LHFPL3: variants seen among roughly 807,000 people sequenced by gnomAD.
LHFPL3 encodes LHFPL tetraspan subfamily member 3, also known as LHFPL tetraspan subfamily member 3 protein.
Under a neutral mutation model 19.3 loss-of-function variants are expected in LHFPL3, and 5 were observed. That is an observed-to-expected ratio of 0.26 (90% confidence interval 0.14 to 0.54). The LOEUF (loss-of-function observed/expected upper bound fraction) is 0.54, where lower values mean the gene tolerates loss of function less well. Ranked by LOEUF, LHFPL3 falls within the 20% of genes least tolerant of loss-of-function variation. LHFPL3 has a pLI of 0.94. For missense variants in LHFPL3, 249 were observed against 307.4 expected (o/e 0.81, Z 1.42); for synonymous variants, 133 against 126.2 (o/e 1.05, Z -0.36).
In LHFPL3 at chr7:104,611,406, G is replaced by T. The variant is rs1234221334; in HGVS notation, c.446-125269G>T. Among the ~76,000 whole-genome samples the T allele has an allele frequency of 2.6e-5, 4 of 152,180 alleles. No individual in the cohort carries two copies. The South Asian group carries it at 8.3e-4, about 32-fold the overall frequency. On this transcript the variant is annotated intron_variant, in intron 1 of 2. Coordinates refer to ENST00000424859, the MANE Select transcript of LHFPL3 (RefSeq NM_199000.3). ...CAATGCCAAGCAATACAGGCCACGT[G>T]GGGAGGGATCCAGGCAGGAAATACA... is the stretch of plus-strand genomic sequence containing the variant.
intron 1 of LHFPL3, among the ~76,000 whole-genome samples, chr7:104,712,116 A>T (rs1037789648): frequency 3.3e-5 from 5 of 152,220 alleles, no homozygotes; most frequent in African/African-American, 1.2e-4. Context: ...ATTTGGATAG[A>T]CCCAATTTAA....
chr7:104,490,988 C>T (rs117543121), intron 1 of LHFPL3, among the ~76,000 whole-genome samples: 280 of 152,272 alleles, frequency 1.8e-3, no homozygotes, highest in Non-Finnish European at 2.3e-3. Context: ...CCCTAGGCTT[C>T]CAAGTTCCTG....
chr7:104,538,785 T>C (rs1350721905), intron 1 of LHFPL3, among the ~76,000 whole-genome samples: 1 of 152,194 alleles, frequency 6.6e-6, no homozygotes, highest in Non-Finnish European at 1.5e-5. Context: ...CCTGTGAATA[T>C]GTTAGCTTAC....
chr7:104,518,082 A>T (rs1232727119), intron 1 of LHFPL3, among the ~76,000 whole-genome samples: 1 of 152,198 alleles, frequency 6.6e-6, no homozygotes, highest in Non-Finnish European at 1.5e-5. Flanking sequence ...AAGTAGTATT[A>T]GTCTAGGCTT....
chr7:104,838,467 G>C (rs1005549186), intron 2 of LHFPL3, among the ~76,000 whole-genome samples: 1 of 152,200 alleles, frequency 6.6e-6, no homozygotes, highest in Admixed American at 6.5e-5. Context: ...TGGCTGACTT[G>C]AGTATAAAGA....
At chr7:104,352,833 G>A (rs1437689258) in intron 1 of LHFPL3, among the ~76,000 whole-genome samples, 2 of 152,220 alleles carry the variant, frequency 1.3e-5, no homozygotes, top group Non-Finnish European at 1.5e-5. Flanking sequence ...GATGTGGGAA[G>A]GATCCAGGTA....
chr7:104,746,842 C>T (rs1794055110), intron 2 of LHFPL3, among the ~76,000 whole-genome samples: 1 of 152,116 alleles, frequency 6.6e-6, no homozygotes, highest in Non-Finnish European at 1.5e-5. Context: ...TTAATTTAAC[C>T]AACATTTATA....
rs1306539826 is a variant in LHFPL3, at chr7:104,489,243, C to T, written c.445+160019C>T. ...GACTACAGGCGCCCGCCACTACGCC[C>T]GGCTAATTTTTTGTATTTTTAGTAG... On this transcript the variant is annotated intron_variant, in intron 1 of 2. Coordinates refer to ENST00000424859, the MANE Select transcript of LHFPL3 (RefSeq NM_199000.3). Among the ~76,000 whole-genome samples the T allele has an allele frequency of 1.5e-4, 9 of 58,586 alleles. 2 individuals are homozygous for T. Among genetic ancestry groups the T allele is most frequent in the South Asian group, 8.4e-4 (2 of 2,388 alleles). 38.4% of individuals were successfully genotyped at this position (58,586 alleles called of 152,430 possible). A position where few individuals can be genotyped will look rare whatever the true frequency, so the allele number is the denominator to read the frequency against.
intron 2 of LHFPL3, among the ~76,000 whole-genome samples, chr7:104,801,577 GTTTTT>G (rs1790247398): frequency 6.6e-6 from 1 of 151,910 alleles, no homozygotes; most frequent in African/African-American, 2.4e-5. Context: ...TTTTGTTTTT[GTTTTT>G]GTTTTTGAGA....
chr7:104,609,875 G>A (rs377211275), intron 1 of LHFPL3, among the ~76,000 whole-genome samples: 10 of 152,312 alleles, frequency 6.6e-5, no homozygotes, highest in East Asian at 1.9e-4. Context: ...CAGTGGAGAC[G>A]TTAGGGACTT....
intron 1 of LHFPL3, among the ~76,000 whole-genome samples, chr7:104,363,938 TCAG>T (rs1165490939): frequency 6.6e-6 from 1 of 152,206 alleles, no homozygotes; most frequent in Non-Finnish European, 1.5e-5. Context: ...TTTAAGCTAT[TCAG>T]CAGATCATCA....
At chr7:104,386,667 A>C (rs1018273832) in intron 1 of LHFPL3, among the ~76,000 whole-genome samples, 1 of 152,226 alleles carries the variant, frequency 6.6e-6, no homozygotes, top group Admixed American at 6.5e-5. Context: ...GAACATTGCA[A>C]ATGTGCCCTG....
At chr7:104,539,099 C>T (rs62485142) in intron 1 of LHFPL3, among the ~76,000 whole-genome samples, 1,821 of 152,216 alleles carry the variant, frequency 0.012, 15 homozygotes, top group East Asian at 0.027. Flanking sequence ...GTAATACAAC[C>T]CTGTCAACAC....
chr7:104,382,515 C>T (rs183950433), intron 1 of LHFPL3, among the ~76,000 whole-genome samples: 3 of 152,106 alleles, frequency 2.0e-5, no homozygotes, highest in African/African-American at 7.2e-5. Flanking sequence ...TTGGACTCAC[C>T]TGGGGAGGCT....
intron 1 of LHFPL3, among the ~76,000 whole-genome samples, chr7:104,430,449 TATATA>T (rs1335458518): frequency 1.3e-4 from 3 of 23,656 alleles, no homozygotes; most frequent in South Asian, 1.5e-3. Flanking sequence ...TATATATATA[TATATA>T]TTTTTTTTTT....
At chr7:104,501,758 A>G (rs1793602385) in intron 1 of LHFPL3, among the ~76,000 whole-genome samples, 1 of 152,206 alleles carries the variant, frequency 6.6e-6, no homozygotes, top group Admixed American at 6.5e-5. Flanking sequence ...AGTTCTAGAA[A>G]TGATAGATTC....
chr7:104,805,984 G>T (rs1790353860), intron 2 of LHFPL3, among the ~76,000 whole-genome samples: 1 of 152,194 alleles, frequency 6.6e-6, no homozygotes, highest in African/African-American at 2.4e-5. Context: ...TACGTTTCAT[G>T]ATTAAGCACT....
intron 1 of LHFPL3, among the ~76,000 whole-genome samples, chr7:104,334,479 G>A (rs10270333): frequency 0.046 from 7,076 of 152,274 alleles, 524 homozygotes; most frequent in African/African-American, 0.16. Flanking sequence ...CCCGCAAGGC[G>A]GAGGTTACAC....
chr7:104,859,141 C>A (rs1442772206), intron 2 of LHFPL3, among the ~76,000 whole-genome samples: 4 of 151,692 alleles, frequency 2.6e-5, no homozygotes, highest in African/African-American at 9.7e-5. Context: ...TTGGCAGGTG[C>A]CTGTAATCCC....
Sources: gnomAD v4.1 joint callset for allele counts (sites outside exome capture counted in the v4.1 genomes callset) on GRCh38, gnomAD v4.1.1 for gene constraint, MANE v1.5 for transcripts, NCBI Gene and HGNC (gene_info 2026-07-23, HGNC 2026-07-21) for gene names.